WWC1: variants seen among roughly 807,000 people sequenced by gnomAD.
WWC1 encodes protein KIBRA.
WWC1 carries 55 observed loss-of-function variants against 138.4 expected under a neutral mutation model. That is an observed-to-expected ratio of 0.40 (90% CI 0.32 to 0.50). WWC1 has a LOEUF of 0.50. WWC1 is among the 20% of genes least tolerant of loss of function. The pLI is 0.72. For synonymous variants in WWC1, 524 were observed against 564.9 expected, an observed-to-expected ratio of 0.93 and a Z score of 1.03; for missense variants, 1,226 against 1,420.4, an observed-to-expected ratio of 0.86 and a Z score of 2.20.
chr5:168,459,343 G>A (rs969343797), intron 19 of WWC1, among the ~76,000 whole-genome samples: 3 of 151,314 alleles, frequency 2.0e-5, no homozygotes, highest in African/African-American at 7.3e-5. Context: ...TACCCCAGTT[G>A]TCAAGATGGC....
intron 18 of WWC1, among the ~76,000 whole-genome samples, 193 bp from the exon 19 acceptor site, chr5:168,455,163 A>G (rs1476498935): frequency 5.9e-5 from 9 of 152,164 alleles, no homozygotes; most frequent in African/African-American, 1.9e-4. Context: ...AGGGGTCGGC[A>G]CACCTAGCCT....
rs1261486810 is a variant in WWC1, at chr5:168,414,531, G to A, written c.1125G>A (p.Lys375=). Residue 375 remains lysine (K), a synonymous_variant, in exon 9 of 23, where the codon AAG becomes AAA. Transcript: ENST00000265293. ...GEVEQLEMAR[K]RLEKDLQAAR... ...TGGAGCAGCTGGAGATGGCCCGGAA[G>A]CGGCTGGAAAAGGACCTGCAGGCAG... The A allele has an allele frequency of 6.4e-7, 1 of 1,555,710 alleles. No homozygotes were observed. The highest frequency in any genetic ancestry group is 8.7e-7 in the Non-Finnish European group (1 of 1,149,312).
At chr5:168,337,894 T>C (rs1284135331) in intron 1 of WWC1, among the ~76,000 whole-genome samples, 1 of 152,012 alleles carries the variant, frequency 6.6e-6, no homozygotes, top group Non-Finnish European at 1.5e-5. Flanking sequence ...CTGGCATGGG[T>C]CACAGTGTGC....
intron 15 of WWC1, among the ~76,000 whole-genome samples, chr5:168,437,875 A>G (rs994275211): frequency 2.0e-5 from 3 of 152,180 alleles, no homozygotes; most frequent in African/African-American, 7.2e-5. Flanking sequence ...CTATCCCCCT[A>G]GGAAACCACG....
intron 5 of WWC1, among the ~76,000 whole-genome samples, chr5:168,403,018 CTTTCTT>C (rs1779444218): frequency 1.0e-5 from 1 of 98,546 alleles, no homozygotes; most frequent in Non-Finnish European, 2.0e-5. Context: ...TTCTTTCTTT[CTTTCTT>C]TCTTTCTTTC....
At chr5:168,349,365 A>G (rs1774742028) in intron 1 of WWC1, among the ~76,000 whole-genome samples, 2 of 151,912 alleles carry the variant, frequency 1.3e-5, no homozygotes, top group Admixed American at 6.6e-5. Context: ...CCCCCACCTT[A>G]TAACTATAGA....
At chr5:168,432,601 C>T (rs1320076302) in intron 15 of WWC1, among the ~76,000 whole-genome samples, 3 of 152,168 alleles carry the variant, frequency 2.0e-5, no homozygotes, top group African/African-American at 7.2e-5. Context: ...CAAAGGAGCC[C>T]AAGTGTGGGC....
chr5:168,456,866 T>C (rs1388281813), intron 19 of WWC1, among the ~76,000 whole-genome samples: 1 of 152,202 alleles, frequency 6.6e-6, no homozygotes, highest in Non-Finnish European at 1.5e-5. Flanking sequence ...ATGGGAGATA[T>C]AAGATAGAAG....
At chr5:168,320,781 G>T (rs1415416731) in intron 1 of WWC1, among the ~76,000 whole-genome samples, 2 of 152,090 alleles carry the variant, frequency 1.3e-5, no homozygotes, top group Non-Finnish European at 2.9e-5. Context: ...CACCCCAAAG[G>T]TGGGTGTGTC....
Position 168,312,601 on chromosome 5 carries a change from G to GC in WWC1, c.119+20331dup, listed in dbSNP as rs1771212632. On this transcript the variant is annotated intron_variant, in intron 1 of 22. Transcript: ENST00000265293. ...TATTACAGTATCACAGCATTAGTTTGCAGGTGACCGCAATGGACTTCATGG... is the reference window on the plus strand; with the variant it reads ...TATTACAGTATCACAGCATTAGTTTGCCAGGTGACCGCAATGGACTTCATGG... Among the ~76,000 whole-genome samples, 2 of 152,332 alleles carry GC rather than the reference G, an allele frequency of 1.3e-5. 1 individual carries two copies. The highest frequency in any genetic ancestry group is 4.1e-4 in the South Asian group (2 of 4,830).
chr5:168,414,551 AGGCAGCCCG>A lies in WWC1; in HGVS notation c.1148_1156del (p.Ala383_Arg385del). On this transcript the variant is annotated inframe_deletion, in exon 9 of 23. Transcript: ENST00000265293. Reference sequence around the variant, plus strand: ...CGGAAGCGGCTGGAAAAGGACCTGCAGGCAGCCCGGGACACCCAGAGCAAGGCGCTGACG... The same window carrying A: ...CGGAAGCGGCTGGAAAAGGACCTGCAGGACACCCAGAGCAAGGCGCTGACG... The A allele has an allele frequency of 6.4e-7, 1 of 1,553,752 alleles. No homozygotes were observed. Among genetic ancestry groups the A allele is most frequent in the South Asian group, 1.2e-5 (1 of 84,320 alleles).
In WWC1 at chr5:168,381,736, G is replaced by A. The variant is rs540612994; in HGVS notation, c.230-3475G>A. 2.5e-3 allele frequency among the ~76,000 whole-genome samples: 382 copies of A among 150,372 alleles called. 2 individuals carry two copies. The highest frequency in any genetic ancestry group is 8.8e-3 in the African/African-American group (361 of 41,002). ...AAATTCTAATTTAAGTGTTCTTCGG[G>A]GGGTGGGGTGGGGTTCAGGCTTTTT... On this transcript the variant is annotated intron_variant, in intron 2 of 22. Transcript: ENST00000265293.
At chr5:168,354,114 G>A (rs1245253569) in intron 1 of WWC1, among the ~76,000 whole-genome samples, 2 of 151,296 alleles carry the variant, frequency 1.3e-5, no homozygotes, top group Non-Finnish European at 2.9e-5. Flanking sequence ...GCAGTGGTGT[G>A]ATCTCGTCTC....
In WWC1 at chr5:168,327,506, C is replaced by A. The variant is rs374309237; in HGVS notation, c.119+35235C>A. ...CCAATTGGCAAGTTGGAAGATTGAG[C>A]TTCTACAGTTTAGAGAAATGGGTTT... On this transcript the variant is annotated intron_variant, in intron 1 of 22. Transcript: ENST00000265293. 2.6e-4 allele frequency among the ~76,000 whole-genome samples: 40 copies of A among 152,346 alleles called. 1 individual carries two copies. In the South Asian group the frequency reaches 8.1e-3, roughly 31 times the overall value.
At chr5:168,374,446 G>A (rs1777017812) in intron 2 of WWC1, among the ~76,000 whole-genome samples, 1 of 152,118 alleles carries the variant, frequency 6.6e-6, no homozygotes, top group African/African-American at 2.4e-5. Flanking sequence ...ACTTGAAGGA[G>A]GTGAGAGAGC....
intron 21 of WWC1, among the ~76,000 whole-genome samples, chr5:168,467,085 C>T (rs1265939704): frequency 1.3e-5 from 2 of 152,162 alleles, no homozygotes; most frequent in African/African-American, 2.4e-5. Context: ...GGTGAAACCC[C>T]GTCTCTACTA....
rs776652697 is a variant in WWC1, at chr5:168,454,132, CGTG to C, written c.2658+34_2658+36del. 2.7e-5 allele frequency: 44 copies of C among 1,602,360 alleles called. No individual in the cohort carries two copies. In the East Asian group the frequency reaches 9.4e-4, roughly 34 times the overall value. On this transcript the variant is annotated intron_variant, in intron 18 of 22. Coordinates refer to ENST00000265293, the MANE Select transcript of WWC1 (RefSeq NM_015238.3). ...AGGGCTGGGGGGATAGAAGGGCTGT[CGTG>C]GGGAAGGAACCTTCAATCCTTGTGC...
At chr5:168,298,563 C>T (rs933709445) in intron 1 of WWC1, among the ~76,000 whole-genome samples, 2 of 151,982 alleles carry the variant, frequency 1.3e-5, no homozygotes, top group African/African-American at 4.8e-5. Flanking sequence ...CATCCTATGT[C>T]AATTATTAAG....
chr5:168,428,125 G>A lies in WWC1; in HGVS notation c.1903G>A (p.Glu635Lys). Residue 635 changes from glutamate (E) to lysine (K), a missense_variant, in exon 12 of 23, where the codon GAG becomes AAG. Physicochemically the swap from Glu to Lys is moderately conservative, Grantham distance 56. Coordinates refer to ENST00000265293, the MANE Select transcript of WWC1 (RefSeq NM_015238.3). ...ESVAGDSGVY[E>K]ASVQRLGASE... The stretch of plus-strand genomic sequence containing the variant: ...AGTGGCTGGAGACAGTGGTGTGTAC[G>A]AGGCTTCCGTGCAGAGGTAGGTGTC... 1 of 1,613,310 alleles carries A rather than the reference G, an allele frequency of 6.2e-7. No homozygotes were observed. The highest frequency in any genetic ancestry group is 8.5e-7 in the Non-Finnish European group (1 of 1,179,540).
Sources: gnomAD v4.1 joint callset for allele counts (sites outside exome capture counted in the v4.1 genomes callset) on GRCh38, gnomAD v4.1.1 for gene constraint, MANE v1.5 for transcripts, NCBI Gene and HGNC (gene_info 2026-07-23, HGNC 2026-07-21) for gene names.